Variants in CC2D2A observed in about 807,000 individuals in gnomAD.
The protein encoded by CC2D2A is coiled-coil and C2 domain containing 2A.
CC2D2A carries 155 observed loss-of-function variants against 212.9 expected under a neutral mutation model. The ratio of observed to expected loss-of-function variants is 0.73; its 90% CI spans 0.64 to 0.83. The LOEUF (loss-of-function observed/expected upper bound fraction) is 0.83. Among genes scored for constraint, CC2D2A ranks in the 40% least tolerant of loss-of-function variants. The pLI is 0.00. For missense variants in CC2D2A, 1,856 were observed against 1,956.2 expected (o/e 0.95, Z 0.97); for synonymous variants, 667 against 686.5 (o/e 0.97, Z 0.44).
At chr4:15,543,074 T>G (rs1399234284) in intron 17 of CC2D2A, among the ~76,000 whole-genome samples, 2 of 152,158 alleles carry the variant, frequency 1.3e-5, no homozygotes, top group Non-Finnish European at 2.9e-5. Flanking sequence ...TCAGTGCCTG[T>G]GGCAGTTCTG....
At chr4:15,588,042 A>G (rs1001158213) in intron 32 of CC2D2A, 113 bp downstream of exon 32, 7 of 593,862 alleles carry the variant, frequency 1.2e-5, no homozygotes, top group African/African-American at 1.1e-4. Context: ...TTGCTAGGAA[A>G]GTGGCCCACA....
chr4:15,486,871 A>G (rs1354067903), intron 4 of CC2D2A, among the ~76,000 whole-genome samples: 1 of 151,546 alleles, frequency 6.6e-6, no homozygotes, highest in East Asian at 1.9e-4. Context: ...TGTTCCAGTC[A>G]ATTTTTTATT....
intron 11 of CC2D2A, among the ~76,000 whole-genome samples, chr4:15,516,965 T>G (rs1455070660): frequency 8.0e-6 from 1 of 124,380 alleles, no homozygotes; most frequent in Non-Finnish European, 1.8e-5. Flanking sequence ...TTTTTTTTTT[T>G]TTGAGACGGA....
intron 33 of CC2D2A, among the ~76,000 whole-genome samples, chr4:15,591,253 C>A (rs1471159712): frequency 7.8e-6 from 1 of 128,406 alleles, no homozygotes; most frequent in African/African-American, 3.0e-5. Context: ...GACTTTCACT[C>A]TTGTTGCCCA....
chr4:15,487,855 A>G (rs1329083618), intron 4 of CC2D2A, among the ~76,000 whole-genome samples: 1 of 151,768 alleles, frequency 6.6e-6, no homozygotes, highest in African/African-American at 2.4e-5. Flanking sequence ...TGCAAATAAC[A>G]TCTTATAACC....
At chr4:15,592,279 T>C (rs1008001221) in intron 33 of CC2D2A, among the ~76,000 whole-genome samples, 2 of 152,194 alleles carry the variant, frequency 1.3e-5, no homozygotes, top group African/African-American at 4.8e-5. Flanking sequence ...AACCTGGCTA[T>C]ACACCTAAAA....
chr4:15,500,095 G>GTATACATATA, intron 4 of CC2D2A, among the ~76,000 whole-genome samples: 1 of 52,576 alleles, frequency 1.9e-5, no homozygotes, highest in African/African-American at 5.7e-5. Flanking sequence ...GTGTGTGTGT[G>GTATACATATA]TGTGTGTGTG....
At chr4:15,587,003 G>C (rs61342603) in intron 31 of CC2D2A, among the ~76,000 whole-genome samples, 38 of 152,294 alleles carry the variant, frequency 2.5e-4, no homozygotes, top group African/African-American at 7.0e-4. Flanking sequence ...AGAAGTTACT[G>C]AAAGACTAGA....
At chr4:15,488,163 C>G (rs1715109652) in intron 4 of CC2D2A, among the ~76,000 whole-genome samples, 1 of 152,016 alleles carries the variant, frequency 6.6e-6, no homozygotes, top group Non-Finnish European at 1.5e-5. Flanking sequence ...ATTTTTATAC[C>G]TTCAGATTTC....
Position 15,523,039 on chromosome 4 carries a change from A to C in CC2D2A, c.1150-4408A>C, listed in dbSNP as rs533268479. ...CTGAGGCAGGAGATTGCTTGAACCT[A>C]GGAGGCGAAGGTTGCAGTGAGCAGA... On this transcript the variant is annotated intron_variant, in intron 11 of 36. Transcript: ENST00000424120. Among the ~76,000 whole-genome samples, 10 of 151,942 alleles carry C rather than the reference A, an allele frequency of 6.6e-5. No homozygotes were observed. The South Asian group carries it at 1.0e-3, about 16-fold the overall frequency.
intron 30 of CC2D2A, 44 bp from the exon 31 acceptor site, chr4:15,586,113 T>G (rs769950162): frequency 2.2e-6 from 3 of 1,385,968 alleles, no homozygotes; most frequent in Non-Finnish European, 3.1e-6. Flanking sequence ...CAGCATTCTG[T>G]TTTATTATAA....
At chr4:15,594,593 T>G (rs1721237316) in intron 33 of CC2D2A, among the ~76,000 whole-genome samples, 1 of 152,006 alleles carries the variant, frequency 6.6e-6, no homozygotes, top group African/African-American at 2.4e-5. Flanking sequence ...CTCTTAAGGG[T>G]AGGCTCAGAA....
intron 13 of CC2D2A, among the ~76,000 whole-genome samples, chr4:15,529,121 G>A (rs1020800518): frequency 1.3e-5 from 2 of 152,196 alleles, no homozygotes; most frequent in African/African-American, 4.8e-5. Flanking sequence ...TCAAGAGTAA[G>A]ACAGACTGGA....
At chr4:15,484,434 A>G (rs1714885395) in intron 4 of CC2D2A, among the ~76,000 whole-genome samples, 1 of 152,202 alleles carries the variant, frequency 6.6e-6, no homozygotes. Flanking sequence ...CAAGCCCAGG[A>G]CTGATATAAT....
intron 24 of CC2D2A, among the ~76,000 whole-genome samples, chr4:15,566,435 GCT>G (rs1467099945): frequency 6.6e-6 from 1 of 152,116 alleles, no homozygotes; most frequent in African/African-American, 2.4e-5. Context: ...AGGGATTGAG[GCT>G]CTCATCTATG....
At chr4:15,543,792 T>G (rs1718578434) in intron 17 of CC2D2A, 1 of 152,324 alleles carries the variant, frequency 6.6e-6, no homozygotes, top group Non-Finnish European at 1.5e-5. Flanking sequence ...GCAGTGTCAG[T>G]GGGGTCTGTT....
At chr4:15,474,823 A>G (rs1289185934) in intron 1 of CC2D2A, among the ~76,000 whole-genome samples, 1 of 152,218 alleles carries the variant, frequency 6.6e-6, no homozygotes, top group African/African-American at 2.4e-5. Context: ...ATGGCAACGC[A>G]GGGGTCACTG....
intron 4 of CC2D2A, chr4:15,492,709 GT>G: frequency 1.3e-6 from 1 of 775,400 alleles, no homozygotes; most frequent in Non-Finnish European, 2.1e-6. Flanking sequence ...ACTGGGTCTG[GT>G]GGTCCAGGGG....
At chr4:15,589,493 C>T in intron 32 of CC2D2A, 52 bp from the exon 33 acceptor site, 18 of 1,527,748 alleles carry the variant, frequency 1.2e-5, no homozygotes, top group Non-Finnish European at 1.5e-5. Flanking sequence ...CTACTATTGG[C>T]CTTCACTGCA....
Sources: allele counts gnomAD v4.1 joint callset (sites outside exome capture counted in the v4.1 genomes callset), GRCh38; gene constraint gnomAD v4.1.1; transcripts MANE v1.5; gene names NCBI Gene and HGNC (gene_info 2026-07-23, HGNC 2026-07-21).